LUZP2: variants seen among roughly 807,000 people sequenced by gnomAD.
LUZP2 encodes leucine zipper protein 2.
Under a neutral mutation model 51.6 loss-of-function variants are expected in LUZP2, and 52 were observed. The ratio of observed to expected loss-of-function variants is 1.01; its 90% confidence interval spans 0.81 to 1.27. The LOEUF (loss-of-function observed/expected upper bound fraction) is 1.27, where lower values mean the gene tolerates loss of function less well. LUZP2 is among the 50% of genes most tolerant of loss of function. The probability of loss-of-function intolerance (pLI) is 0.00; values close to 1 mark genes in which losing one functional copy is unlikely to be tolerated. For synonymous variants in LUZP2, 154 were observed against 137.3 expected (o/e 1.12, Z -0.85); for missense variants, 436 against 395.4 (o/e 1.10, Z -0.87).
At chr11:24,637,640 T>C (rs570360011) in intron 1 of LUZP2, among the ~76,000 whole-genome samples, 1 of 151,898 alleles carries the variant, frequency 6.6e-6, no homozygotes, top group South Asian at 2.1e-4. Context: ...GGGGTGTCTG[T>C]CTTATGTGAT....
At chr11:25,002,399 T>G (rs537376160) in intron 9 of LUZP2, among the ~76,000 whole-genome samples, 74 of 152,330 alleles carry the variant, frequency 4.9e-4, no homozygotes, top group Non-Finnish European at 9.7e-4. Context: ...TTCCCCATCC[T>G]CTGGGAGAAA....
At chr11:24,692,917 C>A (rs1352571167) in intron 1 of LUZP2, among the ~76,000 whole-genome samples, 4 of 151,870 alleles carry the variant, frequency 2.6e-5, no homozygotes, top group Non-Finnish European at 5.9e-5. Context: ...ATTTTCACAG[C>A]TGCTATTTCA....
At chr11:24,742,786 C>T (rs1406150275) in intron 4 of LUZP2, among the ~76,000 whole-genome samples, 1 of 151,956 alleles carries the variant, frequency 6.6e-6, no homozygotes, top group Non-Finnish European at 1.5e-5. Context: ...ATGTCAAGAA[C>T]GGTTTTTCCA....
At chr11:24,820,715 G>A (rs1850332759) in intron 5 of LUZP2, among the ~76,000 whole-genome samples, 1 of 152,116 alleles carries the variant, frequency 6.6e-6, no homozygotes, top group Non-Finnish European at 1.5e-5. Flanking sequence ...TTCAGAGATT[G>A]CTCAAATCTT....
intron 7 of LUZP2, among the ~76,000 whole-genome samples, chr11:24,961,677 T>G (rs1464663457): frequency 2.6e-5 from 4 of 152,182 alleles, no homozygotes; most frequent in Non-Finnish European, 5.9e-5. Flanking sequence ...TTATAGCTCA[T>G]TGATGGGTCT....
At chr11:25,076,368 C>T (rs1274449642) in intron 10 of LUZP2, among the ~76,000 whole-genome samples, 1 of 152,112 alleles carries the variant, frequency 6.6e-6, no homozygotes, top group East Asian at 1.9e-4. Flanking sequence ...TGATTAAACT[C>T]TTAGGCTCTG....
chr11:24,909,769 T>C (rs1489200227), intron 6 of LUZP2, among the ~76,000 whole-genome samples: 1 of 152,158 alleles, frequency 6.6e-6, no homozygotes, highest in Admixed American at 6.5e-5. Context: ...CAGTCTCAGG[T>C]ATTTCTTTAT....
chr11:24,835,622 A>G (rs936541157), intron 5 of LUZP2, among the ~76,000 whole-genome samples: 1 of 152,156 alleles, frequency 6.6e-6, no homozygotes, highest in African/African-American at 2.4e-5. Context: ...TAGAGAGGAA[A>G]AATGGCTTGT....
intron 1 of LUZP2, among the ~76,000 whole-genome samples, chr11:24,545,537 T>A (rs1290414638): frequency 6.7e-6 from 1 of 148,430 alleles, no homozygotes; most frequent in Non-Finnish European, 1.5e-5. Flanking sequence ...GAATGGGGAG[T>A]CCTTTCATTG....
intron 1 of LUZP2, among the ~76,000 whole-genome samples, chr11:24,622,905 C>CTAAATATATG (rs1207698009): frequency 6.6e-6 from 1 of 152,148 alleles, no homozygotes; most frequent in Non-Finnish European, 1.5e-5. Flanking sequence ...TTTTTACTTT[C>CTAAATATATG]TAAATATATG....
intron 1 of LUZP2, among the ~76,000 whole-genome samples, chr11:24,640,389 A>C (rs1305932329): frequency 4.6e-5 from 7 of 151,920 alleles, no homozygotes; most frequent in Non-Finnish European, 7.3e-5. Context: ...AATTTATATA[A>C]GGACCTCTGT....
chr11:24,584,661 T>C (rs1326977431), intron 1 of LUZP2, among the ~76,000 whole-genome samples: 13 of 152,196 alleles, frequency 8.5e-5, no homozygotes, highest in Non-Finnish European at 1.6e-4. Flanking sequence ...GGCATGTGTG[T>C]GTATGTGAGC....
At chr11:24,526,619 G>GCATT (rs1421924778) in intron 1 of LUZP2, among the ~76,000 whole-genome samples, 1 of 151,392 alleles carries the variant, frequency 6.6e-6, no homozygotes, top group African/African-American at 2.4e-5. Context: ...TGCTTAAAGA[G>GCATT]CATTCAGCCA....
intron 1 of LUZP2, 136 bp downstream of exon 1, chr11:24,497,441 G>A: frequency 1.9e-6 from 1 of 526,570 alleles, no homozygotes; most frequent in Non-Finnish European, 3.1e-6. Context: ...ACGCTGTATG[G>A]TTTGGGCTCT....
At chr11:24,835,291 C>T (rs955050872) in intron 5 of LUZP2, among the ~76,000 whole-genome samples, 1 of 152,068 alleles carries the variant, frequency 6.6e-6, no homozygotes, top group Non-Finnish European at 1.5e-5. Context: ...TTCCTTACAC[C>T]TTATACAAAA....
chr11:24,914,638 G>A (rs538467043), intron 7 of LUZP2, 100 bp downstream of exon 7: 2 of 823,340 alleles, frequency 2.4e-6, no homozygotes, highest in African/African-American at 3.5e-5. Flanking sequence ...AATTTCTCAT[G>A]AATTGGAGTT....
intron 1 of LUZP2, among the ~76,000 whole-genome samples, chr11:24,529,541 G>C (rs1232958760): frequency 6.6e-6 from 1 of 150,534 alleles, no homozygotes; most frequent in African/African-American, 2.4e-5. Flanking sequence ...ATAATAAATT[G>C]CTTTCTTCAA....
chr11:24,742,003 T>A (rs1031618448), intron 4 of LUZP2, among the ~76,000 whole-genome samples: 13 of 133,816 alleles, frequency 9.7e-5, no homozygotes, highest in South Asian at 8.7e-4. Context: ...ATGTATATAT[T>A]ATATATAAAT....
At chr11:24,783,559 A>G (rs943682531) in intron 5 of LUZP2, among the ~76,000 whole-genome samples, 23 of 152,010 alleles carry the variant, frequency 1.5e-4, no homozygotes, top group African/African-American at 5.6e-4. Flanking sequence ...ACAAGTTTTT[A>G]TATCAAAATG....
Sources: gnomAD v4.1 joint callset for allele counts (sites outside exome capture counted in the v4.1 genomes callset) on GRCh38, gnomAD v4.1.1 for gene constraint, MANE v1.5 for transcripts, NCBI Gene and HGNC (gene_info 2026-07-23, HGNC 2026-07-21) for gene names.